Variants in AP2S1 observed in about 807,000 individuals in gnomAD.
AP2S1 encodes AP-2 complex subunit sigma.
In AP2S1, 6 loss-of-function variants were observed where a neutral mutation model predicts 21.0. That is an observed-to-expected ratio of 0.29 (90% CI 0.16 to 0.56). AP2S1 has a LOEUF of 0.56. AP2S1 is among the 20% of genes least tolerant of loss of function. The probability of loss-of-function intolerance (pLI) is 0.92; values close to 1 mark genes in which losing one functional copy is unlikely to be tolerated. For missense variants in AP2S1, 60 were observed against 186.2 expected, an observed-to-expected ratio of 0.32 and a Z score of 3.95; for synonymous variants, 63 against 74.6, an observed-to-expected ratio of 0.84 and a Z score of 0.80.
rs143384246 is a variant in AP2S1 at position 46,838,791 on chromosome 19, G to A, written c.276C>T (p.Asn92=). ...GTTCACAGACATTGTGGAAATATTC[G>A]TTTAAGACCTGGGAGAGGAAGGCAG... is the stretch of plus-strand genomic sequence containing the variant. The part of the protein sequence containing the change: ...EAIHNFVEVL[N]EYFHNVCELD... Residue 92 remains asparagine (N), a synonymous_variant, in exon 4 of 5, where the codon AAC becomes AAT. Transcript: ENST00000263270. This position sits in a 1 kb window ranked among gnomAD's most constrained non-coding sequence, Gnocchi z 4.1. 32 of 1,612,624 alleles carry A rather than the reference G, an allele frequency of 2.0e-5. No individual in the cohort carries two copies. Among genetic ancestry groups the A allele is most frequent in the Admixed American group, 5.0e-5 (3 of 59,930 alleles).
intron 2 of AP2S1, among the ~76,000 whole-genome samples, chr19:46,841,536 G>T (rs994548742): frequency 2.0e-5 from 3 of 152,074 alleles, no homozygotes; most frequent in Admixed American, 6.6e-5. Context: ...AACATCCCAC[G>T]CCACTGCCCC....
intron 3 of AP2S1, 86 bp downstream of exon 3, chr19:46,839,379 A>G: frequency 7.0e-7 from 1 of 1,426,658 alleles, no homozygotes; most frequent in South Asian, 1.2e-5. Flanking sequence ...AGGGCTCAGG[A>G]GGGACCAGGG....
At chr19:46,850,106 C>T in intron 1 of AP2S1, 1 of 1,227,808 alleles carries the variant, frequency 8.1e-7, no homozygotes, top group Non-Finnish European at 1.0e-6. Flanking sequence ...TTCAGTTGCT[C>T]CCCATTCTTT....
At chr19:46,844,230 A>T (rs896070011) in intron 2 of AP2S1, among the ~76,000 whole-genome samples, 1 of 152,010 alleles carries the variant, frequency 6.6e-6, no homozygotes, top group Non-Finnish European at 1.5e-5. Context: ...TACGGCTCCC[A>T]TCTGACTCAT....
intron 2 of AP2S1, among the ~76,000 whole-genome samples, chr19:46,842,267 A>T (rs533791053): frequency 1.1e-4 from 16 of 152,188 alleles, no homozygotes; most frequent in Admixed American, 7.9e-4. Context: ...AGTCCCCTCC[A>T]GGAAGCCCTC....
At chr19:46,850,352 A>G (rs2055716232) in intron 1 of AP2S1, 1 of 1,241,600 alleles carries the variant, frequency 8.1e-7, no homozygotes, top group Non-Finnish European at 1.0e-6. Context: ...CCCTTTTCCA[A>G]GGTCTCGCGT....
intron 2 of AP2S1, among the ~76,000 whole-genome samples, chr19:46,843,368 A>C (rs2055562996): frequency 6.6e-6 from 1 of 152,192 alleles, no homozygotes; most frequent in Non-Finnish European, 1.5e-5. Context: ...TGCTCTGCTC[A>C]AAACCCTCCA....
At chr19:46,844,193 G>A (rs539265075) in intron 2 of AP2S1, among the ~76,000 whole-genome samples, 12 of 152,052 alleles carry the variant, frequency 7.9e-5, no homozygotes, top group East Asian at 3.9e-4. Flanking sequence ...GTGAGCCACC[G>A]CGCCCGGCCG....
Position 46,846,139 on chromosome 19 carries a change from G to T in AP2S1, c.7C>A (p.Arg3Ser). The T allele has an allele frequency of 6.2e-7, 1 of 1,613,902 alleles. No homozygotes were observed. The highest frequency in any genetic ancestry group is 8.5e-7 in the Non-Finnish European group (1 of 1,179,864). ...GCCCGGTTCTGGATGAGGATAAAGC[G>T]GATCTGGGGGCAGCAGGAGGAGAAG... MI[R>S]FILIQNRAGK... Residue 3 changes from arginine to serine, a missense_variant, in exon 2 of 5, where the codon CGC becomes AGC. Transcript: ENST00000263270.
At chr19:46,845,396 ACT>A (rs2055612839) in intron 2 of AP2S1, among the ~76,000 whole-genome samples, 1 of 148,830 alleles carries the variant, frequency 6.7e-6, no homozygotes, top group African/African-American at 2.5e-5. Flanking sequence ...ACAGAGTAAG[ACT>A]CTGTCTCAAA....
intron 2 of AP2S1, among the ~76,000 whole-genome samples, chr19:46,843,326 C>T (rs969991541): frequency 4.6e-5 from 7 of 152,214 alleles, no homozygotes; most frequent in Admixed American, 4.6e-4. Flanking sequence ...TGCTCTTGCC[C>T]TATAGCGCAG....
At chr19:46,841,556 C>T (rs1012478765) in intron 2 of AP2S1, among the ~76,000 whole-genome samples, 4 of 152,204 alleles carry the variant, frequency 2.6e-5, no homozygotes, top group African/African-American at 4.8e-5. Flanking sequence ...CACCCCTGCC[C>T]TGCCCCAGCC....
intron 2 of AP2S1, among the ~76,000 whole-genome samples, chr19:46,844,007 T>G (rs1006718553): frequency 1.3e-5 from 2 of 152,072 alleles, no homozygotes; most frequent in African/African-American, 2.4e-5. Context: ...GCCTCCTGGA[T>G]TCAAGCGATT....
intron 2 of AP2S1, among the ~76,000 whole-genome samples, chr19:46,844,962 C>T (rs564143779): frequency 1.1e-4 from 16 of 151,696 alleles, no homozygotes; most frequent in African/African-American, 3.9e-4. Context: ...ATTAGCCAGG[C>T]GTGGTGGCGA....
chr19:46,841,961 G>A (rs1484912416), intron 2 of AP2S1, among the ~76,000 whole-genome samples: 1 of 152,148 alleles, frequency 6.6e-6, no homozygotes, highest in Non-Finnish European at 1.5e-5. Context: ...GGAGGCCAAG[G>A]CTTGATCTCA....
intron 2 of AP2S1, among the ~76,000 whole-genome samples, chr19:46,841,527 A>G (rs2055520533): frequency 6.6e-6 from 1 of 152,082 alleles, no homozygotes; most frequent in African/African-American, 2.4e-5. Context: ...TCCCCTCTGA[A>G]CATCCCACGC....
chr19:46,839,276 G>T (rs2055467180), intron 3 of AP2S1, among the ~76,000 whole-genome samples, 189 bp downstream of exon 3: 1 of 95,638 alleles, frequency 1.0e-5, no homozygotes, highest in Admixed American at 1.2e-4. Context: ...GACAGAACAA[G>T]ACTCCGTCTC....
At chr19:46,839,625 C>A (rs746610045) in intron 2 of AP2S1, 47 bp from the exon 3 acceptor site, 2 of 1,613,360 alleles carry the variant, frequency 1.2e-6, no homozygotes, top group South Asian at 1.1e-5. Flanking sequence ...CAGGACCTAA[C>A]GTGCCAGACA....
At chr19:46,842,709 C>T (rs934431337) in intron 2 of AP2S1, among the ~76,000 whole-genome samples, 2 of 152,296 alleles carry the variant, frequency 1.3e-5, no homozygotes, top group South Asian at 2.1e-4. Flanking sequence ...GAACACCCGA[C>T]ACCCAGTTCC....
Sources: gnomAD v4.1 joint callset for allele counts (sites outside exome capture counted in the v4.1 genomes callset) on GRCh38, gnomAD v4.1.1 for gene constraint, Gnocchi (gnomAD v3.1) non-coding constraint, MANE v1.5 for transcripts, NCBI Gene and HGNC (gene_info 2026-07-23, HGNC 2026-07-21) for gene names.